Variants in PODNL1 observed in about 807,000 individuals in gnomAD.
PODNL1 encodes the protein podocan-like protein 1.
Under a neutral mutation model 45.1 loss-of-function variants are expected in PODNL1, and 50 were observed. The ratio of observed to expected loss-of-function variants is 1.11; its 90% CI spans 0.88 to 1.40. PODNL1 has a LOEUF of 1.40. Ranked by LOEUF, PODNL1 falls within the 40% of genes most tolerant of loss-of-function variation. PODNL1 has a pLI of 0.00. For synonymous variants in PODNL1, 406 were observed against 372.5 expected (o/e 1.09, Z -1.04); for missense variants, 788 against 793.3 (o/e 0.99, Z 0.08).
intron 1 of PODNL1, chr19:13,952,696 C>CGAGGGAGGCG (rs977857025): frequency 2.6e-5 from 25 of 946,226 alleles, no homozygotes; most frequent in Non-Finnish European, 3.0e-5. Flanking sequence ...GGAGTAGGGA[C>CGAGGGAGGCG]GAGGGAGGCG....
intron 1 of PODNL1, among the ~76,000 whole-genome samples, chr19:13,946,777 G>A (rs944004911): frequency 2.6e-5 from 4 of 152,088 alleles, no homozygotes; most frequent in African/African-American, 9.7e-5. Context: ...TCTTGGCTAG[G>A]TGCAGTGGCT....
intron 1 of PODNL1, among the ~76,000 whole-genome samples, chr19:13,945,379 G>A (rs1972782027): frequency 6.6e-6 from 1 of 151,956 alleles, no homozygotes; most frequent in South Asian, 2.1e-4. Context: ...ATTAGGTTGG[G>A]CAAGGTGGCT....
At chr19:13,948,912 G>A (rs2145467195) in intron 1 of PODNL1, among the ~76,000 whole-genome samples, 1 of 149,170 alleles carries the variant, frequency 6.7e-6, no homozygotes, top group Admixed American at 6.7e-5. Context: ...CAGTCCTCCA[G>A]CCTGGGTGAC....
chr19:13,953,005 T>C (rs1192567418), intron 1 of PODNL1: 1 of 1,232,134 alleles, frequency 8.1e-7, no homozygotes, highest in Admixed American at 2.0e-5. Context: ...TGCTCCATAA[T>C]GGAACCTTCC....
chr19:13,939,010 C>T (rs776574029), upstream of PODNL1, among the ~76,000 whole-genome samples: 13 of 152,104 alleles, frequency 8.5e-5, no homozygotes, highest in African/African-American at 3.1e-4. Flanking sequence ...CTTTGGCACC[C>T]GTGGATGGGG....
At position 13,932,782 on chromosome 19, in the gene PODNL1, C is replaced by G; in HGVS notation, c.1425+16G>C. 1 of 1,612,976 alleles carries G rather than the reference C, an allele frequency of 6.2e-7. No homozygotes were observed. The highest frequency in any genetic ancestry group is 1.6e-4 in the Middle Eastern group (1 of 6,062). ...GGGGCCCTGGGGACAGTGTGGCTAACCAGCCTGTGCCTGACCTGGAGGGCT... is the reference window on the plus strand; with the variant it reads ...GGGGCCCTGGGGACAGTGTGGCTAAGCAGCCTGTGCCTGACCTGGAGGGCT... On this transcript the variant is annotated intron_variant, in intron 8 of 9. Coordinates refer to ENST00000588872, the MANE Select transcript of PODNL1 (RefSeq NM_001370095.3).
upstream of PODNL1, among the ~76,000 whole-genome samples, chr19:13,942,218 G>A (rs1972677045): frequency 6.6e-6 from 1 of 152,162 alleles, no homozygotes; most frequent in African/African-American, 2.4e-5. Flanking sequence ...CAGAAAACCT[G>A]TATCCTTCAG....
rs1449669017 is a variant in PODNL1, at chr19:13,950,720, A to G, written c.18+2399T>C. 2.0e-5 allele frequency among the ~76,000 whole-genome samples: 3 copies of G among 152,114 alleles called. No individual in the cohort carries two copies. In the East Asian group the frequency reaches 5.8e-4, roughly 29 times the overall value. On this transcript the variant is annotated intron_variant, in intron 1 of 7. Coordinates refer to the PODNL1 transcript ENST00000538371. ...GCTTTGCTCTCCATGGACGTAGGGT[A>G]TGCAAGAAGCAGGGGAACCTTTGGC...
chr19:13,932,229 G>GC lies in PODNL1; in HGVS notation c.1426-118dup, dbSNP rs1387671334. 8.3e-4 allele frequency: 984 copies of GC among 1,184,318 alleles called. 1 individual carries two copies. Among genetic ancestry groups the GC allele is most frequent in the Non-Finnish European group, 9.7e-4 (932 of 960,322 alleles). The allele number at this position is 1,184,318 out of a possible 1,614,324, so 73.4% of individuals were successfully genotyped here. A position where few individuals can be genotyped will look rare whatever the true frequency, so the allele number is the denominator to read the frequency against. ...CCCTTCATACCAGCCTGGCCCTTCTGCCCCCCACCCCCCATGATTGCCAAA... is the reference window on the plus strand; with the variant it reads ...CCCTTCATACCAGCCTGGCCCTTCTGCCCCCCCACCCCCCATGATTGCCAAA... On this transcript the variant is annotated intron_variant, in intron 8 of 9. Transcript: ENST00000588872.
intron 3 of PODNL1, 93 bp downstream of exon 3, chr19:13,936,274 G>A: frequency 7.9e-7 from 1 of 1,269,206 alleles, no homozygotes; most frequent in African/African-American, 1.5e-5. Context: ...CTGCCACAGA[G>A]CTGCCCGCAG....
At chr19:13,943,151 C>T (rs936638987), upstream of PODNL1, among the ~76,000 whole-genome samples, 2 of 151,616 alleles carry the variant, frequency 1.3e-5, no homozygotes, top group Non-Finnish European at 2.9e-5. Context: ...ACAAAATTAG[C>T]CAGGCATGGT....
intron 1 of PODNL1, chr19:13,952,729 G>C (rs890911432): frequency 8.7e-6 from 9 of 1,032,248 alleles, no homozygotes; most frequent in Non-Finnish European, 1.0e-5. Flanking sequence ...CGTTCGCGGG[G>C]TGAGGGGTTG....
intron 5 of PODNL1, 127 bp from the exon 6 acceptor site, chr19:13,934,537 G>A (rs1156894411): frequency 1.1e-6 from 1 of 914,738 alleles, no homozygotes; most frequent in Non-Finnish European, 1.5e-6. Context: ...GCGCGCGCAT[G>A]TGTGGAGTCT....
chr19:13,944,416 G>T (rs1414492614), intron 1 of PODNL1, among the ~76,000 whole-genome samples: 1 of 151,228 alleles, frequency 6.6e-6, no homozygotes, highest in African/African-American at 2.4e-5. Flanking sequence ...GCCTGCCTTG[G>T]CCTCCCAAAG....
upstream of PODNL1, among the ~76,000 whole-genome samples, chr19:13,943,401 C>A (rs1972717218): frequency 6.6e-6 from 1 of 152,126 alleles, no homozygotes; most frequent in Non-Finnish European, 1.5e-5. Context: ...GCTGCATCAC[C>A]CTAATCTCTG....
At chr19:13,953,086 C>T (rs750347078) in intron 1 of PODNL1, 2 of 1,550,712 alleles carry the variant, frequency 1.3e-6, no homozygotes, top group Admixed American at 2.0e-5. Context: ...CCTGCCCAAG[C>T]CCCGACCACA....
At position 13,937,950 on chromosome 19, in the gene PODNL1, C is replaced by A. The variant is rs773303785; in HGVS notation, c.60G>T (p.Leu20Phe). The A allele has an allele frequency of 7.1e-6, 11 of 1,544,886 alleles. No individual in the cohort carries two copies. The highest frequency in any genetic ancestry group is 8.8e-6 in the Non-Finnish European group (10 of 1,142,320). The change falls in exon 2 of 10, where the codon TTG becomes TTT. Residue 20 changes from leucine (L) to phenylalanine (F), a missense_variant. This residue lies in a region of PODNL1 where 762 missense variants were observed against 750.9 expected (regional missense o/e 1.01). Transcript: ENST00000588872. ...CCAGGTGGGGGAAGGCAGCGTCTTC[C>A]AAGCCGGCGACGGGCGGGGGCCCCG... is the stretch of plus-strand genomic sequence containing the variant. ...LLPGPPPVAG[L>F]EDAAFPHLGE...
upstream of PODNL1, among the ~76,000 whole-genome samples, chr19:13,941,820 A>G (rs143365746): frequency 2.3e-3 from 348 of 152,254 alleles, no homozygotes; most frequent in Non-Finnish European, 4.1e-3. Context: ...CTCAAAGAAA[A>G]AAAAGTTAAG....
intron 8 of PODNL1, chr19:13,932,464 C>T (rs956573059): frequency 9.9e-6 from 6 of 604,006 alleles, no homozygotes; most frequent in African/African-American, 3.7e-5. Context: ...TGGGCTCAAG[C>T]GATCCTCCTG....
Sources: gnomAD v4.1 joint callset for allele counts (sites outside exome capture counted in the v4.1 genomes callset) on GRCh38, gnomAD v4.1.1 for gene constraint, gnomAD v4.1.1 regional missense constraint, MANE v1.5 for transcripts, NCBI Gene and HGNC (gene_info 2026-07-23, HGNC 2026-07-21) for gene names.